Variants in DIAPH2 observed in about 807,000 individuals in gnomAD.
DIAPH2 encodes the protein protein diaphanous homolog 2.
DIAPH2 carries 35 observed loss-of-function variants against 92.7 expected under a neutral mutation model. The ratio of observed to expected loss-of-function variants is 0.38; its 90% CI spans 0.29 to 0.50. The LOEUF is 0.50. DIAPH2 is among the 20% of genes least tolerant of loss of function. DIAPH2 has a pLI of 0.94. For synonymous variants in DIAPH2, 301 were observed against 280.4 expected (o/e 1.07, Z -0.73); for missense variants, 701 against 819.5 (o/e 0.86, Z 1.77).
chrX:96,960,868 A>G (rs183524925), intron 16 of DIAPH2, among the ~76,000 whole-genome samples: 1 of 111,745 alleles, frequency 8.9e-6, no homozygotes, highest in African/African-American at 3.2e-5. Context: ...TATAGTTTTC[A>G]TTTTTCATTC....
chrX:97,253,317 A>AT (rs1556010460), intron 23 of DIAPH2, among the ~76,000 whole-genome samples: 6 of 110,108 alleles, frequency 5.4e-5, no homozygotes, highest in Admixed American at 1.9e-4. Flanking sequence ...ATAAAATAAA[A>AT]AAAGAGGAAA....
At chrX:97,549,015 G>T (rs1310163505) in intron 26 of DIAPH2, among the ~76,000 whole-genome samples, 3 of 112,425 alleles carry the variant, frequency 2.7e-5, no homozygotes, top group Non-Finnish European at 5.6e-5. Context: ...ATTTTCCCAA[G>T]TGCTGATAAA....
chrX:96,710,683 G>A (rs748170508), intron 1 of DIAPH2, among the ~76,000 whole-genome samples: 10 of 111,230 alleles, frequency 9.0e-5, no homozygotes, highest in African/African-American at 3.3e-4. Context: ...CATATGATGA[G>A]GAGGGAAAAT....
At chrX:97,509,012 G>GT (rs1556170703) in intron 26 of DIAPH2, among the ~76,000 whole-genome samples, 1 of 90,432 alleles carries the variant, frequency 1.1e-5, no homozygotes. Flanking sequence ...AGCATACAAA[G>GT]TTATTTATTT....
intron 26 of DIAPH2, among the ~76,000 whole-genome samples, chrX:97,583,830 G>A (rs956069141): frequency 1.1e-4 from 12 of 110,916 alleles, no homozygotes; most frequent in African/African-American, 2.9e-4. Flanking sequence ...AGCGAGACTC[G>A]GTGGGGTAGG....
chrX:97,482,021 A>G (rs1003309043), intron 26 of DIAPH2, among the ~76,000 whole-genome samples: 6 of 112,338 alleles, frequency 5.3e-5, no homozygotes, highest in Admixed American at 3.8e-4. Flanking sequence ...ATTTATAAAT[A>G]TAACTGGTAA....
At chrX:96,957,758 T>A in intron 15 of DIAPH2, 70 bp from the exon 16 acceptor site, 1 of 727,648 alleles carries the variant, frequency 1.4e-6, no homozygotes, top group Non-Finnish European at 2.1e-6. Context: ...AAATATCTAT[T>A]GATATATATT....
chrX:97,187,652 A>G (rs2147475565), intron 22 of DIAPH2, among the ~76,000 whole-genome samples: 1 of 110,615 alleles, frequency 9.0e-6, no homozygotes, highest in South Asian at 3.9e-4. Context: ...TGAATTATAG[A>G]CAGTTCGCTG....
chrX:97,544,764 A>G (rs752406192), intron 26 of DIAPH2, among the ~76,000 whole-genome samples: 1 of 112,389 alleles, frequency 8.9e-6, no homozygotes, highest in South Asian at 3.7e-4. Context: ...AGTTGTCTGA[A>G]TCATTGGGTT....
Position 96,947,276 on chromosome X carries a change from A to T in DIAPH2, c.1510-1659A>T, listed in dbSNP as rs139138219. Among the ~76,000 whole-genome samples, 556 of 111,661 alleles carry T rather than the reference A, an allele frequency of 5.0e-3. 5 individuals carry two copies. Among genetic ancestry groups the T allele is most frequent in the African/African-American group, 0.018 (545 of 30,716 alleles). On this transcript the variant is annotated intron_variant, in intron 14 of 26. Coordinates refer to ENST00000324765, the MANE Select transcript of DIAPH2 (RefSeq NM_006729.5). ...CATTTTTAGAGGAAAAAATGTGTAT[A>T]GTGTGCTTGTGTAGGTGCCATGATT...
intron 20 of DIAPH2, among the ~76,000 whole-genome samples, chrX:97,112,981 C>T (rs1369148996): frequency 5.6e-5 from 6 of 107,703 alleles, no homozygotes; most frequent in Non-Finnish European, 1.2e-4. Context: ...GGTTTCGCCA[C>T]GTTGGCCAGG....
chrX:97,601,630 G>A lies in DIAPH2; in HGVS notation c.*2313G>A, dbSNP rs1281863778. ...TTAGTATGAAACCAAATTACACTAAGGTCTTTTGTTGGCCATATTACTGCC... is the reference window on the plus strand; with the variant it reads ...TTAGTATGAAACCAAATTACACTAAAGTCTTTTGTTGGCCATATTACTGCC... On this transcript the variant is annotated 3_prime_UTR_variant, in exon 27 of 27. Transcript: ENST00000324765. 1 of 111,623 alleles carries A rather than the reference G, an allele frequency of 9.0e-6. No individual in the cohort carries two copies. The highest frequency in any genetic ancestry group is 3.3e-5 in the African/African-American group (1 of 30,675). 9.2% of individuals were successfully genotyped at this position (111,623 alleles called of 1,213,427 possible). A position where few individuals can be genotyped will look rare whatever the true frequency, so the allele number is the denominator to read the frequency against.
chrX:97,003,826 A>G (rs1009461341), intron 17 of DIAPH2, among the ~76,000 whole-genome samples: 2 of 111,373 alleles, frequency 1.8e-5, no homozygotes, highest in South Asian at 7.5e-4. Context: ...CTTTTCGTCC[A>G]TTTTTGCCTT....
chrX:97,390,705 A>G (rs2069650881), intron 25 of DIAPH2, among the ~76,000 whole-genome samples: 1 of 110,505 alleles, frequency 9.0e-6, no homozygotes, highest in Non-Finnish European at 1.9e-5. Context: ...GCCTTGGCCT[A>G]TTTTCATTTC....
intron 21 of DIAPH2, among the ~76,000 whole-genome samples, chrX:97,136,963 A>G (rs759521349): frequency 9.2e-6 from 1 of 108,579 alleles, no homozygotes; most frequent in East Asian, 2.9e-4. Context: ...ATCATTTTGT[A>G]TTTTCTACTA....
chrX:96,914,365 G>A (rs1437351873), intron 7 of DIAPH2, among the ~76,000 whole-genome samples: 1 of 111,048 alleles, frequency 9.0e-6, no homozygotes, highest in Non-Finnish European at 1.9e-5. Context: ...CTTCTTCACA[G>A]CTCAAGATAG....
At chrX:96,773,242 C>CG (rs1556143577) in intron 4 of DIAPH2, among the ~76,000 whole-genome samples, 1 of 86,162 alleles carries the variant, frequency 1.2e-5, no homozygotes, top group Admixed American at 1.3e-4. Flanking sequence ...TTGTTTCCCC[C>CG]CCCCTCCCGC....
chrX:97,120,130 T>G (rs1176472994), intron 21 of DIAPH2, among the ~76,000 whole-genome samples: 1 of 111,444 alleles, frequency 9.0e-6, no homozygotes, highest in African/African-American at 3.3e-5. Flanking sequence ...GCTTTTCCCC[T>G]TGTGCCTCTG....
At chrX:96,939,463 G>T in intron 12 of DIAPH2, 81 bp downstream of exon 12, 1 of 289,943 alleles carries the variant, frequency 3.4e-6, no homozygotes, top group Non-Finnish European at 6.3e-6. Context: ...TGGGGCCTAA[G>T]CAATATATGC....
Sources: allele counts gnomAD v4.1 joint callset (sites outside exome capture counted in the v4.1 genomes callset), GRCh38; gene constraint gnomAD v4.1.1; transcripts MANE v1.5; gene names NCBI Gene and HGNC (gene_info 2026-07-23, HGNC 2026-07-21).